The following PPP2CA variants were observed in gnomAD, a reference collection of about 807,000 sequenced individuals.
PPP2CA encodes protein phosphatase 2 catalytic subunit alpha.
PPP2CA carries 5 observed loss-of-function variants against 38.8 expected under a neutral mutation model. That is an observed-to-expected ratio of 0.13 (90% CI 0.07 to 0.27). The LOEUF (loss-of-function observed/expected upper bound fraction) is 0.27, where lower values mean the gene tolerates loss of function less well. Ranked by LOEUF, PPP2CA falls within the 10% of genes least tolerant of loss-of-function variation. PPP2CA has a pLI of 1.00. For synonymous variants in PPP2CA, 152 were observed against 134.0 expected (o/e 1.13, Z -0.93); for missense variants, 88 against 389.7 (o/e 0.23, Z 6.52).
At chr5:134,215,891 C>T (rs1309926229) in intron 1 of PPP2CA, among the ~76,000 whole-genome samples, 2 of 152,194 alleles carry the variant, frequency 1.3e-5, no homozygotes, top group African/African-American at 4.8e-5. Flanking sequence ...CCTTATTCTT[C>T]AAATCTTAGG....
rs11400515 is a variant in PPP2CA at position 134,218,669 on chromosome 5, C to CTT, written c.102+7089_102+7090dup. On this transcript the variant is annotated intron_variant, in intron 1 of 6. Transcript: ENST00000481195. ...AATTAGTCTAGATGGTTGTTTCTTT[C>CTT]TTTTTTTTTTTTTTCTTTTAAGATG... Among the ~76,000 whole-genome samples the CTT allele has an allele frequency of 4.5e-3, 643 of 144,388 alleles. 1 individual carries two copies. The highest frequency in any genetic ancestry group is 7.4e-3 in the African/African-American group (289 of 39,296). 94.7% of individuals were successfully genotyped at this position (144,388 alleles called of 152,430 possible).
At chr5:134,198,288 G>C (rs552324661) in intron 6 of PPP2CA, among the ~76,000 whole-genome samples, 2 of 152,142 alleles carry the variant, frequency 1.3e-5, no homozygotes, top group African/African-American at 4.8e-5. Context: ...AGCTACTCGG[G>C]AGGCTGAGGC....
Position 134,207,441 on chromosome 5 carries a change from C to G in PPP2CA, c.103-1310G>C, listed in dbSNP as rs560735416. On this transcript the variant is annotated intron_variant, in intron 1 of 6. Transcript: ENST00000481195. ...AAAAACACCAATGCCCATTCCTTCC[C>G]CTAATAAAGTCAGAATTTTGGAGAC... Among the ~76,000 whole-genome samples, 21 of 152,204 alleles carry G rather than the reference C, an allele frequency of 1.4e-4. No individual in the cohort carries two copies. The East Asian group carries it at 3.5e-3, about 25-fold the overall frequency.
chr5:134,205,766 C>T (rs989389573), intron 2 of PPP2CA, 156 bp downstream of exon 2: 14 of 616,392 alleles, frequency 2.3e-5, no homozygotes, highest in Admixed American at 2.9e-5. Flanking sequence ...AGAACGCAGA[C>T]GCCTATGATT....
chr5:134,210,568 G>A (rs1336274942), intron 1 of PPP2CA, among the ~76,000 whole-genome samples: 1 of 152,222 alleles, frequency 6.6e-6, no homozygotes, highest in African/African-American at 2.4e-5. Context: ...TTAGGGCCGA[G>A]CACAGTGGCT....
chr5:134,225,781 C>G lies in PPP2CA; in HGVS notation c.81G>C (p.Gln27His). ...LNECKQLSES[Q>H]VKSLCEKAKE... The stretch of plus-strand genomic sequence containing the variant: ...TCACCTTCTCGCAGAGGCTCTTGAC[C>G]TGGGACTCGGACAGCTGCTTGCACT... The change falls in exon 1 of 7, where the codon CAG becomes CAC. Residue 27 changes from glutamine (Q) to histidine (H), a missense_variant. Coordinates refer to ENST00000481195, the MANE Select transcript of PPP2CA (RefSeq NM_002715.4). 1 of 1,610,214 alleles carries G rather than the reference C, an allele frequency of 6.2e-7. No individual in the cohort carries two copies. Among genetic ancestry groups the G allele is most frequent in the Non-Finnish European group, 8.5e-7 (1 of 1,179,044 alleles).
At chr5:134,222,901 A>T (rs1297365406) in intron 1 of PPP2CA, among the ~76,000 whole-genome samples, 1 of 152,236 alleles carries the variant, frequency 6.6e-6, no homozygotes, top group Non-Finnish European at 1.5e-5. Context: ...GCTAGTCAGT[A>T]ACATAAAAAC....
intron 1 of PPP2CA, among the ~76,000 whole-genome samples, chr5:134,216,950 A>G (rs1041763044): frequency 6.6e-6 from 1 of 152,222 alleles, no homozygotes; most frequent in Non-Finnish European, 1.5e-5. Flanking sequence ...CTATTTGACA[A>G]AGGAATCTCC....
rs561722923 is a variant in PPP2CA, at chr5:134,199,608, T to C, written c.739-404A>G. On this transcript the variant is annotated intron_variant, in intron 5 of 6. Transcript: ENST00000481195. ...AGTGGCCATTCCCTAGAGAAGTAGA[T>C]ACTTAATCCTGGAGACCAGAACCTT... 1.3e-4 allele frequency among the ~76,000 whole-genome samples: 20 copies of C among 152,306 alleles called. No homozygotes were observed. The East Asian group carries it at 3.1e-3, about 23-fold the overall frequency.
intron 5 of PPP2CA, 54 bp from the exon 6 acceptor site, chr5:134,199,258 G>T: frequency 7.6e-7 from 1 of 1,317,412 alleles, no homozygotes; most frequent in Non-Finnish European, 1.1e-6. Flanking sequence ...TCAACTAAAT[G>T]TTACTTCACT....
At chr5:134,217,143 G>A (rs1347588342) in intron 1 of PPP2CA, among the ~76,000 whole-genome samples, 3 of 152,112 alleles carry the variant, frequency 2.0e-5, no homozygotes, top group African/African-American at 2.4e-5. Context: ...AGCTGGGTGT[G>A]GTGGCGCATG....
intron 2 of PPP2CA, among the ~76,000 whole-genome samples, chr5:134,205,098 AATT>A (rs1762050640): frequency 6.6e-6 from 1 of 151,766 alleles, no homozygotes; most frequent in Non-Finnish European, 1.5e-5. Flanking sequence ...ACACTCGGTT[AATT>A]ATTATTATTT....
At position 134,195,068 on chromosome 5, in the gene PPP2CA, T is replaced by C. The variant is rs1363088787; in HGVS notation, c.*2704A>G. The stretch of plus-strand genomic sequence containing the variant: ...TGAGCTAAGTCCTTCTTGAAACTAA[T>C]CTAATATTGACAAACTTCTATTTAA... On this transcript the variant is annotated 3_prime_UTR_variant, in exon 7 of 7. Coordinates refer to ENST00000481195, the MANE Select transcript of PPP2CA (RefSeq NM_002715.4). 6.6e-6 allele frequency: 1 copy of C among 152,134 alleles called. No homozygotes were observed. Among genetic ancestry groups the C allele is most frequent in the Non-Finnish European group, 1.5e-5 (1 of 68,034 alleles). 9.4% of individuals were successfully genotyped at this position (152,134 alleles called of 1,614,324 possible).
intron 1 of PPP2CA, among the ~76,000 whole-genome samples, chr5:134,212,568 C>G (rs1471537278): frequency 6.6e-6 from 1 of 152,134 alleles, no homozygotes; most frequent in African/African-American, 2.4e-5. Flanking sequence ...ACAATGGCCT[C>G]CAAATGCTCA....
chr5:134,222,478 G>A (rs932938417), intron 1 of PPP2CA, among the ~76,000 whole-genome samples: 15 of 151,868 alleles, frequency 9.9e-5, no homozygotes, highest in African/African-American at 3.6e-4. Flanking sequence ...ACTAATGACT[G>A]CACTTTATTT....
chr5:134,207,261 T>C (rs1463925428), intron 1 of PPP2CA, among the ~76,000 whole-genome samples: 1 of 152,178 alleles, frequency 6.6e-6, no homozygotes, highest in Admixed American at 6.5e-5. Context: ...AAAAACTAGC[T>C]AGGCATGGTG....
intron 1 of PPP2CA, among the ~76,000 whole-genome samples, chr5:134,223,630 C>G (rs527575065): frequency 6.6e-6 from 1 of 152,318 alleles, no homozygotes; most frequent in South Asian, 2.1e-4. Context: ...CTTAGTTTTA[C>G]AAAGATGTGG....
chr5:134,222,208 A>G (rs1315416836), intron 1 of PPP2CA, among the ~76,000 whole-genome samples: 1 of 152,050 alleles, frequency 6.6e-6, no homozygotes, highest in African/African-American at 2.4e-5. Flanking sequence ...ACTGAGAACA[A>G]TATCTTATAA....
intron 2 of PPP2CA, among the ~76,000 whole-genome samples, chr5:134,204,650 T>C (rs1176898692): frequency 6.6e-5 from 10 of 151,976 alleles, no homozygotes; most frequent in Non-Finnish European, 1.5e-5. Context: ...TTTGTAGAGA[T>C]GGGGTTTATG....
Sources: allele counts gnomAD v4.1 joint callset (sites outside exome capture counted in the v4.1 genomes callset), GRCh38; gene constraint gnomAD v4.1.1; transcripts MANE v1.5; gene names NCBI Gene and HGNC (gene_info 2026-07-23, HGNC 2026-07-21).